The following PIWIL3 variants were observed in gnomAD, a reference collection of about 807,000 sequenced individuals.
PIWIL3 encodes the protein piwi-like protein 3.
Under a neutral mutation model 109.7 loss-of-function variants are expected in PIWIL3, and 101 were observed. That is an observed-to-expected ratio of 0.92 (90% CI 0.78 to 1.09). PIWIL3 has a LOEUF of 1.09. Among genes scored for constraint, PIWIL3 ranks in the 50% least tolerant of loss-of-function variants. PIWIL3 has a pLI of 0.00. For missense variants in PIWIL3, 1,031 were observed against 1,072.6 expected, an observed-to-expected ratio of 0.96 and a Z score of 0.54; for synonymous variants, 373 against 376.4, an observed-to-expected ratio of 0.99 and a Z score of 0.10.
intron 9 of PIWIL3, among the ~76,000 whole-genome samples, chr22:24,750,779 C>A (rs1277365650): frequency 4.7e-5 from 7 of 150,148 alleles, no homozygotes. Flanking sequence ...TGAGCCACTG[C>A]GCCCGGCCCA....
intron 4 of PIWIL3, among the ~76,000 whole-genome samples, chr22:24,757,574 C>T (rs548914895): frequency 2.4e-5 from 2 of 82,146 alleles, no homozygotes; most frequent in Non-Finnish European, 5.4e-5. Flanking sequence ...TGGCTTGGGC[C>T]AGTTCTAGAC....
chr22:24,743,355 G>A (rs1351502637), intron 12 of PIWIL3, among the ~76,000 whole-genome samples: 2 of 152,166 alleles, frequency 1.3e-5, no homozygotes, highest in Non-Finnish European at 2.9e-5. Context: ...TATCTGCCCA[G>A]AGGAAAAGTC....
chr22:24,762,275 GA>G, intron 2 of PIWIL3, 122 bp downstream of exon 2: 1 of 1,408,796 alleles, frequency 7.1e-7, no homozygotes, highest in Non-Finnish European at 9.3e-7. Context: ...CTTTTCTTAT[GA>G]ACTTTTATTA....
In PIWIL3 at chr22:24,771,476, CA is replaced by C. The variant is rs60085341; in HGVS notation, c.-23+2845del. On this transcript the variant is annotated intron_variant, in intron 1 of 20. Transcript: ENST00000616349. ...TGGGCGACAGTGCAAGACTCCATCT[CA>C]AAAAAAAAAAAAAAAAAGAAAGTTA... Among the ~76,000 whole-genome samples the C allele has an allele frequency of 9.9e-3, 1,128 of 114,410 alleles. 6 individuals are homozygous for C. Among genetic ancestry groups the C allele is most frequent in the African/African-American group, 0.026 (801 of 30,404 alleles). The allele number at this position is 114,410 out of a possible 152,430, so 75.1% of individuals were successfully genotyped here. A position where few individuals can be genotyped will look rare whatever the true frequency, so the allele number is the denominator to read the frequency against.
intron 12 of PIWIL3, among the ~76,000 whole-genome samples, chr22:24,746,967 C>T (rs1034432531): frequency 1.3e-5 from 2 of 151,814 alleles, no homozygotes; most frequent in Non-Finnish European, 2.9e-5. Context: ...TTTATAGAAA[C>T]AGAAAAAACT....
chr22:24,732,995 G>A (rs949923313), intron 14 of PIWIL3, among the ~76,000 whole-genome samples: 1 of 152,156 alleles, frequency 6.6e-6, no homozygotes, highest in Admixed American at 6.5e-5. Flanking sequence ...CCAAGAGGGG[G>A]CCAGGAAAGA....
chr22:24,725,094 CT>C, intron 17 of PIWIL3, 57 bp from the exon 18 acceptor site: 7 of 1,587,666 alleles, frequency 4.4e-6, no homozygotes, highest in Non-Finnish European at 6.0e-6. Context: ...CTAGCCTTTG[CT>C]GCTTTTGACA....
At chr22:24,743,964 G>A (rs1401831839) in intron 12 of PIWIL3, among the ~76,000 whole-genome samples, 4 of 151,622 alleles carry the variant, frequency 2.6e-5, no homozygotes, top group Non-Finnish European at 5.9e-5. Context: ...AAACCTTATG[G>A]TAACTTCAAA....
At chr22:24,754,674 A>G (rs1301172326) in intron 7 of PIWIL3, 110 bp downstream of exon 7, 11 of 835,720 alleles carry the variant, frequency 1.3e-5, no homozygotes, top group Non-Finnish European at 2.2e-5. Flanking sequence ...GATACCATTT[A>G]AAAGGCCATC....
intron 4 of PIWIL3, among the ~76,000 whole-genome samples, chr22:24,757,079 C>CAAAAAAAAAAAAAAAAAAA (rs71189275): frequency 4.8e-4 from 44 of 91,720 alleles, no homozygotes; most frequent in Admixed American, 6.9e-4. Flanking sequence ...AACTCCGTCT[C>CAAAAAAAAAAAAAAAAAAA]AAAAAAAAAA....
chr22:24,758,316 G>A (rs1925214234), intron 3 of PIWIL3, among the ~76,000 whole-genome samples: 2 of 152,174 alleles, frequency 1.3e-5, no homozygotes, highest in African/African-American at 4.8e-5. Context: ...CAAGATTCTA[G>A]AAACTTTGGT....
rs373346114 is a variant in PIWIL3 at position 24,759,865 on chromosome 22, T to C, written c.223+4A>G. 2.7e-5 allele frequency: 43 copies of C among 1,613,898 alleles called. No homozygotes were observed. The highest frequency in any genetic ancestry group is 3.4e-5 in the Non-Finnish European group (40 of 1,179,928). The stretch of plus-strand genomic sequence containing the variant: ...CCCCTCATGTCCTTCTTGCTTCCTT[T>C]CACCTTGAGACTGTGCTCCTCCTCC... On this transcript the variant is annotated splice_donor_region_variant and intron_variant, in intron 3 of 20. Transcript: ENST00000616349.
chr22:24,740,606 A>G (rs1923951249), intron 12 of PIWIL3, among the ~76,000 whole-genome samples: 1 of 152,088 alleles, frequency 6.6e-6, no homozygotes, highest in Admixed American at 6.6e-5. Context: ...GAAATACAAT[A>G]GATCATTCAA....
intron 1 of PIWIL3, among the ~76,000 whole-genome samples, chr22:24,766,351 C>T (rs1925794129): frequency 6.6e-6 from 1 of 151,610 alleles, no homozygotes; most frequent in Non-Finnish European, 1.5e-5. Flanking sequence ...CAGAGTCTGG[C>T]TCTGTTGCCC....
At chr22:24,754,971 A>C in intron 6 of PIWIL3, 107 bp from the exon 7 acceptor site, 1 of 832,002 alleles carries the variant, frequency 1.2e-6, no homozygotes, top group South Asian at 1.5e-5. Context: ...TTATATTATC[A>C]ATGAACACAA....
rs773961507 is a variant in PIWIL3 at position 24,725,439 on chromosome 22, A to C, written c.2080+6T>G. ...TCGGGTTCCCCGACCGCTACAAGAC[A>C]CTGACCTTTCAAGCAGATCTCCAGC... On this transcript the variant is annotated splice_donor_region_variant and intron_variant, in intron 17 of 20. Transcript: ENST00000616349. 1.2e-6 allele frequency: 2 copies of C among 1,613,514 alleles called. No homozygotes were observed. The highest frequency in any genetic ancestry group is 4.5e-5 in the East Asian group (2 of 44,902).
intron 8 of PIWIL3, among the ~76,000 whole-genome samples, chr22:24,752,203 A>G (rs949683916): frequency 3.3e-5 from 5 of 152,078 alleles, no homozygotes; most frequent in Non-Finnish European, 5.9e-5. Flanking sequence ...GCAGCCTCCA[A>G]ATCATTTTTC....
intron 19 of PIWIL3, among the ~76,000 whole-genome samples, chr22:24,721,827 CTAATCT>C (rs1315216428): frequency 6.6e-6 from 1 of 152,136 alleles, no homozygotes; most frequent in East Asian, 1.9e-4. Context: ...GAAGTTGTAT[CTAATCT>C]TAATGTCTTA....
chr22:24,720,437 A>G (rs1017515555), intron 19 of PIWIL3, among the ~76,000 whole-genome samples: 2 of 151,576 alleles, frequency 1.3e-5, no homozygotes, highest in African/African-American at 4.9e-5. Flanking sequence ...ACACCCGGCT[A>G]ATTTTTTATA....
Sources: gnomAD v4.1 joint callset for allele counts (sites outside exome capture counted in the v4.1 genomes callset) on GRCh38, gnomAD v4.1.1 for gene constraint, MANE v1.5 for transcripts, NCBI Gene and HGNC (gene_info 2026-07-23, HGNC 2026-07-21) for gene names.